XAB2: variants seen among roughly 807,000 people sequenced by gnomAD.
The protein encoded by XAB2 is XPA binding protein 2.
Under a neutral mutation model 113.4 loss-of-function variants are expected in XAB2, and 57 were observed. The ratio of observed to expected loss-of-function variants is 0.50; its 90% CI spans 0.41 to 0.63. The LOEUF is 0.63. Ranked by LOEUF, XAB2 falls within the 20% of genes least tolerant of loss-of-function variation. XAB2 has a pLI of 0.00. For synonymous variants in XAB2, 497 were observed against 498.8 expected (o/e 1.00, Z 0.05); for missense variants, 1,037 against 1,233.3 (o/e 0.84, Z 2.38).
Position 7,629,436 on chromosome 19 carries a change from T to A in XAB2, c.51+41A>T, listed in dbSNP as rs568941819. On this transcript the variant is annotated intron_variant, in intron 1 of 18. Transcript: ENST00000358368. ...ATCCCCTGCGGCGTCCAGGTCCCAA[T>A]GCCCCAACGCAGGCCACCCCCGGCT... 134 of 1,569,130 alleles carry A rather than the reference T, an allele frequency of 8.5e-5. 3 individuals carry two copies. The South Asian group carries it at 1.4e-3, about 17-fold the overall frequency.
rs935914388 is a variant in XAB2, at chr19:7,619,543, G to A, written c.*43C>T. ...CAGACCATGATGTACAAACGTAGCT[G>A]TATTGGGGAGGGGGTGGGGAGGGGG... On this transcript the variant is annotated 3_prime_UTR_variant, in exon 19 of 19. Coordinates refer to ENST00000358368, the MANE Select transcript of XAB2 (RefSeq NM_020196.3). 2 of 1,264,458 alleles carry A rather than the reference G, an allele frequency of 1.6e-6. No individual in the cohort carries two copies. The highest frequency in any genetic ancestry group is 1.4e-5 in the South Asian group (1 of 70,434). 78.3% of individuals were successfully genotyped at this position (1,264,458 alleles called of 1,614,324 possible). A position where few individuals can be genotyped will look rare whatever the true frequency, so the allele number is the denominator to read the frequency against.
At position 7,627,842 on chromosome 19, in the gene XAB2, G is replaced by C; in HGVS notation, c.210C>G (p.Leu70=). ...ALKLLPCSYK[L]WYRYLKARRA... is the part of the protein sequence containing the mutation. ...GACGCGCCTTCAGGTATCGGTACCA[G>C]AGTTTGTAGCTGGGGAATAGGAGGG... The change falls in exon 3 of 19, where the codon CTC becomes CTG. Residue 70 remains leucine (L), a synonymous_variant. Transcript: ENST00000358368. This position sits in a 1 kb window ranked among gnomAD's most constrained non-coding sequence, Gnocchi z 4.5. 1 of 1,613,094 alleles carries C rather than the reference G, an allele frequency of 6.2e-7. No homozygotes were observed. Among genetic ancestry groups the C allele is most frequent in the South Asian group, 1.1e-5 (1 of 91,074 alleles).
Position 7,622,670 on chromosome 19 carries a change from GCAGA to G in XAB2, c.1372-13_1372-10del, listed in dbSNP as rs539743061. 62 of 1,611,810 alleles carry G rather than the reference GCAGA, an allele frequency of 3.8e-5. 1 individual carries two copies. The South Asian group carries it at 5.7e-4, about 15-fold the overall frequency. On this transcript the variant is annotated splice_polypyrimidine_tract_variant and intron_variant, in intron 10 of 18. Coordinates refer to ENST00000358368, the MANE Select transcript of XAB2 (RefSeq NM_020196.3). ...GGCAGCGCCGTGGCCTTCTGCAGGG[GCAGA>G]CAGTGGCCGGGGAGGCGCTCAGGGG...
At position 7,620,968 on chromosome 19, in the gene XAB2, C is replaced by A; in HGVS notation, c.1849G>T (p.Glu617Ter). The change falls in exon 14 of 19, where the codon GAG (glutamate) becomes TAG (stop). Residue 617 changes from glutamate (E) to a stop codon, truncating the protein, a stop_gained. Coordinates refer to ENST00000358368, the MANE Select transcript of XAB2 (RefSeq NM_020196.3). LOFTEE classifies it high-confidence loss of function. ...GGCTCCACGGCCCTGGTGGCACGCTCGTACACGGCCATGGCATGCCGGGCC... is the reference window on the plus strand; with the variant it reads ...GGCTCCACGGCCCTGGTGGCACGCTAGTACACGGCCATGGCATGCCGGGCC... ...GLARHAMAVY[E>*]RATRAVEPAQ... 1 of 1,578,386 alleles carries A rather than the reference C, an allele frequency of 6.3e-7. No individual in the cohort carries two copies. The highest frequency in any genetic ancestry group is 1.3e-5 in the African/African-American group (1 of 74,746).
rs1266681051 is a variant in XAB2, at chr19:7,627,165, A to T, written c.522+78T>A. On this transcript the variant is annotated intron_variant, in intron 4 of 18. Transcript: ENST00000358368. This position sits in a 1 kb window ranked among gnomAD's most constrained non-coding sequence, Gnocchi z 4.5. ...TCCCACATCCCGTCTGCTGGGTGAC[A>T]TCCTACGCGGAGCTAGTGTCACAGT... The T allele has an allele frequency of 2.0e-6, 3 of 1,518,516 alleles. No individual in the cohort carries two copies. Among genetic ancestry groups the T allele is most frequent in the Non-Finnish European group, 9.0e-7 (1 of 1,110,476 alleles). The allele number at this position is 1,518,516 out of a possible 1,614,324, so 94.1% of individuals were successfully genotyped here.
chr19:7,629,445 G>A (rs1306603077), intron 1 of XAB2, 32 bp downstream of exon 1: 16 of 1,576,564 alleles, frequency 1.0e-5, no homozygotes, highest in Non-Finnish European at 1.4e-5. Context: ...ATGCCCCAAC[G>A]CAGGCCACCC....
At position 7,619,810 on chromosome 19, in the gene XAB2, T is replaced by G; in HGVS notation, c.2443A>C (p.Asn815His). 1 of 1,613,462 alleles carries G rather than the reference T, an allele frequency of 6.2e-7. No homozygotes were observed. Among genetic ancestry groups the G allele is most frequent in the Non-Finnish European group, 8.5e-7 (1 of 1,179,942 alleles). Reference protein sequence around the residue: ...EELAELAQQVNPEEIQLGEDE... With the variant: ...EELAELAQQVHPEEIQLGEDE... ...TCGCCCAGCTGGATCTCCTCGGGGT[T>G]GACCTGCTGTGCCAGCTCTGCCAGC... is the stretch of plus-strand genomic sequence containing the variant. The change falls in exon 18 of 19, where the codon AAC (asparagine) becomes CAC (histidine). Residue 815 changes from asparagine (N) to histidine (H), a missense_variant. By Grantham distance (68) the Asn-to-His change is moderately conservative. Transcript: ENST00000358368.
At chr19:7,622,180 T>G (rs2031047336) in intron 12 of XAB2, 151 bp downstream of exon 12, 1 of 750,808 alleles carries the variant, frequency 1.3e-6, no homozygotes, top group African/African-American at 1.8e-5. Flanking sequence ...ACTTCCAGCC[T>G]CCAGGACGGG....
rs2031165349 is a variant in XAB2, at chr19:7,627,510, T to C, written c.325-70A>G. On this transcript the variant is annotated intron_variant, in intron 3 of 18. Coordinates refer to ENST00000358368, the MANE Select transcript of XAB2 (RefSeq NM_020196.3). This position sits in a 1 kb window ranked among gnomAD's most constrained non-coding sequence, Gnocchi z 4.5. ...ATGGCCTGGCCACAGACACTCGATG[T>C]CCTGTGGCTGAGCCACACCTGGGGC... is the stretch of plus-strand genomic sequence containing the variant. 1 of 1,556,554 alleles carries C rather than the reference T, an allele frequency of 6.4e-7. No homozygotes were observed.
Position 7,626,218 on chromosome 19 carries a change from C to T in XAB2, c.575G>A (p.Arg192Gln), listed in dbSNP as rs370819469. The T allele has an allele frequency of 2.5e-6, 4 of 1,613,748 alleles. No individual in the cohort carries two copies. The highest frequency in any genetic ancestry group is 1.1e-5 in the South Asian group (1 of 91,092). The change falls in exon 5 of 19, where the codon CGG becomes CAG. Residue 192 changes from arginine (R) to glutamine (Q), a missense_variant. By Grantham distance (43) the Arg-to-Gln change is conservative. Coordinates refer to ENST00000358368, the MANE Select transcript of XAB2 (RefSeq NM_020196.3). ...EYIEYLKSSD[R>Q]LDEAAQRLAT... ...CAGGCGCTGGGCGGCCTCATCCAGC[C>T]GGTCACTTGACTTGAGGTACTCAAT...
chr19:7,629,255 C>G (rs2031206758), intron 1 of XAB2, among the ~76,000 whole-genome samples: 1 of 152,216 alleles, frequency 6.6e-6, no homozygotes, highest in Admixed American at 6.5e-5. Context: ...CGCTTCCCTT[C>G]GACAGTGGTT....
At position 7,628,411 on chromosome 19, in the gene XAB2, C is replaced by A. The variant is rs913654312; in HGVS notation, c.52-113G>T. 7.4e-7 allele frequency: 1 copy of A among 1,354,968 alleles called. No individual in the cohort carries two copies. The highest frequency in any genetic ancestry group is 1.0e-6 in the Non-Finnish European group (1 of 989,078). The allele number at this position is 1,354,968 out of a possible 1,614,324, so 83.9% of individuals were successfully genotyped here. A position where few individuals can be genotyped will look rare whatever the true frequency, so the allele number is the denominator to read the frequency against. The stretch of plus-strand genomic sequence containing the variant: ...CTCCGGACTTTTACCTAGATCCCAC[C>A]ACCCACCAAGGAAGTCAGGTCACCA... On this transcript the variant is annotated intron_variant, in intron 1 of 18. Coordinates refer to ENST00000358368, the MANE Select transcript of XAB2 (RefSeq NM_020196.3). This position sits in a 1 kb window ranked among gnomAD's most constrained non-coding sequence, Gnocchi z 4.6.
chr19:7,622,665 C>T lies in XAB2; in HGVS notation c.1372-4G>A, dbSNP rs771849464. On this transcript the variant is annotated splice_polypyrimidine_tract_variant and splice_region_variant and intron_variant, in intron 10 of 18. Transcript: ENST00000358368. The stretch of plus-strand genomic sequence containing the variant: ...GGGCAGGCAGCGCCGTGGCCTTCTG[C>T]AGGGGCAGACAGTGGCCGGGGAGGC... 1 of 1,611,796 alleles carries T rather than the reference C, an allele frequency of 6.2e-7. No individual in the cohort carries two copies. The highest frequency in any genetic ancestry group is 2.2e-5 in the East Asian group (1 of 44,880).
chr19:7,625,501 T>TG lies in XAB2; in HGVS notation c.822+378dup, dbSNP rs1472368443. ...TTTTTTTTTTTTTTTTTTTTTGAGATGGAGTCTCGCTCTGCCACCCAGGCT... is the reference window on the plus strand; with the variant it reads ...TTTTTTTTTTTTTTTTTTTTTGAGATGGGAGTCTCGCTCTGCCACCCAGGCT... On this transcript the variant is annotated intron_variant, in intron 6 of 18. Transcript: ENST00000358368. The surrounding 1 kb of genome is among the most constrained non-coding windows in gnomAD (Gnocchi z 5.2). Among the ~76,000 whole-genome samples the TG allele has an allele frequency of 7.3e-6, 1 of 136,458 alleles. No homozygotes were observed. The highest frequency in any genetic ancestry group is 1.5e-5 in the Non-Finnish European group (1 of 64,704). The allele number at this position is 136,458 out of a possible 152,430, so 89.5% of individuals were successfully genotyped here. A position where few individuals can be genotyped will look rare whatever the true frequency, so the allele number is the denominator to read the frequency against.
chr19:7,620,145 G>T, intron 16 of XAB2, 70 bp from the exon 17 acceptor site: 1 of 1,594,340 alleles, frequency 6.3e-7, no homozygotes, highest in Non-Finnish European at 8.5e-7. Flanking sequence ...CACTATCCCA[G>T]TCCCCCAGGT....
In XAB2 at chr19:7,626,214, C is replaced by T. The variant is rs142752301; in HGVS notation, c.579G>A (p.Leu193=). Reference sequence around the variant, plus strand: ...TGGCCAGGCGCTGGGCGGCCTCATCCAGCCGGTCACTTGACTTGAGGTACT... The same window carrying T: ...TGGCCAGGCGCTGGGCGGCCTCATCTAGCCGGTCACTTGACTTGAGGTACT... ...YIEYLKSSDR[L]DEAAQRLATV... Residue 193 remains leucine (L), a synonymous_variant, in exon 5 of 19, where the codon CTG becomes CTA. Transcript: ENST00000358368. The T allele has an allele frequency of 3.2e-5, 51 of 1,613,666 alleles. No homozygotes were observed. In the African/African-American group the frequency reaches 5.9e-4, roughly 19 times the overall value.
intron 12 of XAB2, chr19:7,621,868 A>C: frequency 5.1e-6 from 1 of 197,018 alleles, no homozygotes; most frequent in South Asian, 8.9e-5. Context: ...GTGCACGTGG[A>C]AGTAGGATTC....
chr19:7,619,783 C>A lies in XAB2; in HGVS notation c.2470G>T (p.Asp824Tyr), dbSNP rs887945394. 8.1e-6 allele frequency: 13 copies of A among 1,613,004 alleles called. No individual in the cohort carries two copies. The African/African-American group carries it at 1.6e-4, about 20-fold the overall frequency. Reference protein sequence around the residue: ...VNPEEIQLGEDEDEDEMDLEP... With the variant: ...VNPEEIQLGEYEDEDEMDLEP... ...AGGTCCATCTCGTCCTCGTCCTCGT[C>A]CTCGCCCAGCTGGATCTCCTCGGGG... Residue 824 changes from aspartate to tyrosine, a missense_variant, in exon 18 of 19, where the codon GAC (aspartate) becomes TAC (tyrosine). By Grantham distance (160) the Asp-to-Tyr change is radical. Coordinates refer to ENST00000358368, the MANE Select transcript of XAB2 (RefSeq NM_020196.3).
rs372883858 is a variant in XAB2, at chr19:7,619,537, G to C, written c.*49C>G. ...GAGGCTCAGACCATGATGTACAAACGTAGCTGTATTGGGGAGGGGGTGGGG... is the reference window on the plus strand; with the variant it reads ...GAGGCTCAGACCATGATGTACAAACCTAGCTGTATTGGGGAGGGGGTGGGG... On this transcript the variant is annotated 3_prime_UTR_variant, in exon 19 of 19. Coordinates refer to ENST00000358368, the MANE Select transcript of XAB2 (RefSeq NM_020196.3). 1.5e-6 allele frequency: 2 copies of C among 1,364,720 alleles called. No homozygotes were observed. The highest frequency in any genetic ancestry group is 2.8e-5 in the East Asian group (1 of 35,544). 84.5% of individuals were successfully genotyped at this position (1,364,720 alleles called of 1,614,324 possible).
Sources: allele counts gnomAD v4.1 joint callset (sites outside exome capture counted in the v4.1 genomes callset), GRCh38; gene constraint gnomAD v4.1.1; non-coding constraint Gnocchi (gnomAD v3.1); transcripts MANE v1.5; gene names NCBI Gene and HGNC (gene_info 2026-07-23, HGNC 2026-07-21).